The following ARHGEF33 variants were observed in gnomAD, a reference collection of about 807,000 sequenced individuals.
ARHGEF33 encodes the protein DH and coiled-coil domain-containing protein ENSP00000381780.
ARHGEF33 carries 72 observed loss-of-function variants against 101.9 expected under a neutral mutation model. The ratio of observed to expected loss-of-function variants is 0.71; its 90% CI spans 0.58 to 0.86. The LOEUF (loss-of-function observed/expected upper bound fraction) is 0.86. ARHGEF33 is among the 40% of genes least tolerant of loss of function. ARHGEF33 has a pLI of 0.00. For synonymous variants in ARHGEF33, 499 were observed against 442.5 expected (o/e 1.13, Z -1.60); for missense variants, 1,169 against 1,111.3 (o/e 1.05, Z -0.74).
At chr2:38,920,271 C>G (rs943273951) in intron 3 of ARHGEF33, among the ~76,000 whole-genome samples, 1 of 152,046 alleles carries the variant, frequency 6.6e-6, no homozygotes, top group South Asian at 2.1e-4. Flanking sequence ...GGATAAGCAA[C>G]GAGCTGAATG....
intron 17 of ARHGEF33, among the ~76,000 whole-genome samples, chr2:38,971,039 C>A (rs542830440): frequency 6.6e-6 from 1 of 152,136 alleles, no homozygotes; most frequent in African/African-American, 2.4e-5. Context: ...GACTGACTGG[C>A]CAACAGGATG....
At chr2:38,931,439 A>ATT (rs749474769) in intron 7 of ARHGEF33, 188 bp downstream of exon 7, 16 of 451,864 alleles carry the variant, frequency 3.5e-5, no homozygotes, top group African/African-American at 8.1e-5. Flanking sequence ...AGTTTTAAAT[A>ATT]TTTTTTTTTT....
In ARHGEF33 at chr2:38,975,265, T is replaced by G. The variant is rs1168421920; in HGVS notation, c.*1422T>G. The G allele has an allele frequency of 6.6e-6, 1 of 152,246 alleles. No homozygotes were observed. Among genetic ancestry groups the G allele is most frequent in the Non-Finnish European group, 1.5e-5 (1 of 68,042 alleles). 9.4% of individuals were successfully genotyped at this position (152,246 alleles called of 1,614,324 possible). On this transcript the variant is annotated 3_prime_UTR_variant, in exon 18 of 18. Transcript: ENST00000409978. ...CATAAAGGATCACTGCCAAGTTTTT[T>G]GAGTTTCCAGGATCTAAGTTTAAGC...
intron 8 of ARHGEF33, 73 bp from the exon 9 acceptor site, chr2:38,937,262 A>T (rs1667165398): frequency 9.1e-6 from 7 of 766,308 alleles, no homozygotes; most frequent in Middle Eastern, 3.7e-4. Flanking sequence ...CGAAAGTGGT[A>T]ACAAACATAT....
At chr2:38,933,384 T>A (rs765365491) in intron 7 of ARHGEF33, among the ~76,000 whole-genome samples, 52 of 149,044 alleles carry the variant, frequency 3.5e-4, no homozygotes, top group Non-Finnish European at 6.3e-4. Context: ...TTTGTTTTGT[T>A]TTTTTTTTCT....
Position 38,931,186 on chromosome 2 carries a change from T to C in ARHGEF33, c.440T>C (p.Ile147Thr). 6.4e-7 allele frequency: 1 copy of C among 1,551,630 alleles called. No individual in the cohort carries two copies. Among genetic ancestry groups the C allele is most frequent in the Non-Finnish European group, 8.7e-7 (1 of 1,146,914 alleles). The change falls in exon 7 of 18, where the codon ATC (isoleucine) becomes ACC (threonine). Residue 147 changes from isoleucine (I) to threonine (T), a missense_variant. Ile to Thr is a moderately conservative substitution (Grantham distance 89). Transcript: ENST00000409978. The part of the protein sequence containing the change: ...AQGSPFRSIN[I>T]PEPVLPSEDF... ...GGAAGTCCTTTTCGTTCTATCAATA[T>C]CCCTGAGCCTGTTCTTCCAAGCGAA...
chr2:38,960,559 G>A lies in ARHGEF33; in HGVS notation c.2254G>A (p.Ala752Thr), dbSNP rs1162370399. Residue 752 changes from alanine to threonine, a missense_variant, in exon 16 of 18, where the codon GCC (alanine) becomes ACC (threonine). Ala to Thr is a moderately conservative substitution (Grantham distance 58). Coordinates refer to ENST00000409978, the MANE Select transcript of ARHGEF33 (RefSeq NM_001145451.5). ...RAAQAHGPAAAAVAARGASRT... is the reference protein window; with the variant it reads ...RAAQAHGPAATAVAARGASRT... Reference sequence around the variant, plus strand: ...CGCGCAGGCGCACGGCCCGGCCGCCGCCGCCGTCGCCGCCCGCGGCGCATC... The same window carrying A: ...CGCGCAGGCGCACGGCCCGGCCGCCACCGCCGTCGCCGCCCGCGGCGCATC... 67 of 1,265,966 alleles carry A rather than the reference G, an allele frequency of 5.3e-5. No homozygotes were observed. The highest frequency in any genetic ancestry group is 6.0e-5 in the Non-Finnish European group (59 of 989,364). 78.4% of individuals were successfully genotyped at this position (1,265,966 alleles called of 1,614,324 possible).
chr2:38,902,505 G>A (rs192756822), intron 2 of ARHGEF33, among the ~76,000 whole-genome samples: 6 of 152,242 alleles, frequency 3.9e-5, no homozygotes, highest in East Asian at 1.9e-4. Context: ...CTCATTTTCC[G>A]TATTTGTAAA....
At chr2:38,958,632 C>A (rs1200278157) in intron 15 of ARHGEF33, among the ~76,000 whole-genome samples, 1 of 152,242 alleles carries the variant, frequency 6.6e-6, no homozygotes, top group Non-Finnish European at 1.5e-5. Flanking sequence ...CACTCTTTCA[C>A]ATGTTAACGT....
intron 13 of ARHGEF33, 126 bp downstream of exon 13, chr2:38,954,582 ATTG>A (rs1042992267): frequency 1.6e-6 from 1 of 621,812 alleles, no homozygotes; most frequent in Non-Finnish European, 2.9e-6. Flanking sequence ...GTTTATTTAG[ATTG>A]TTATGATTAC....
intron 9 of ARHGEF33, among the ~76,000 whole-genome samples, chr2:38,940,359 G>A (rs1171432121): frequency 6.6e-6 from 1 of 151,694 alleles, no homozygotes; most frequent in African/African-American, 2.4e-5. Context: ...AACATCCTGG[G>A]CTCAAGTGAT....
At chr2:38,947,333 G>A (rs1237008229) in intron 10 of ARHGEF33, among the ~76,000 whole-genome samples, 1 of 152,208 alleles carries the variant, frequency 6.6e-6, no homozygotes, top group African/African-American at 2.4e-5. Context: ...GGAAGTTGCA[G>A]GGGCACATTG....
intron 10 of ARHGEF33, among the ~76,000 whole-genome samples, chr2:38,946,733 C>T (rs758946930): frequency 3.3e-5 from 5 of 152,178 alleles, no homozygotes; most frequent in African/African-American, 7.2e-5. Flanking sequence ...TCAAGTGATT[C>T]TCCTGCCTCA....
chr2:38,905,176 A>G (rs1666363062), intron 2 of ARHGEF33, among the ~76,000 whole-genome samples: 1 of 151,884 alleles, frequency 6.6e-6, no homozygotes, highest in African/African-American at 2.4e-5. Flanking sequence ...AAGGACATTC[A>G]TTTAGCCGAA....
chr2:38,906,960 A>T (rs919588461), intron 2 of ARHGEF33, among the ~76,000 whole-genome samples: 2 of 152,120 alleles, frequency 1.3e-5, no homozygotes, highest in Non-Finnish European at 2.9e-5. Context: ...TCAAAAAAAG[A>T]TGATCCTTGG....
intron 17 of ARHGEF33, 96 bp downstream of exon 17, chr2:38,966,241 C>T: frequency 7.0e-7 from 1 of 1,429,924 alleles, no homozygotes; most frequent in Non-Finnish European, 9.3e-7. Context: ...AGCCTGGTCT[C>T]ACACAACTGC....
intron 2 of ARHGEF33, among the ~76,000 whole-genome samples, chr2:38,906,179 ACT>A (rs1666384077): frequency 6.9e-6 from 1 of 144,562 alleles, no homozygotes; most frequent in African/African-American, 2.6e-5. Context: ...ACAGAGCAAG[ACT>A]CTGTCTCAAA....
At chr2:38,928,295 A>G (rs1293178395) in intron 4 of ARHGEF33, among the ~76,000 whole-genome samples, 4 of 152,134 alleles carry the variant, frequency 2.6e-5, no homozygotes, top group Non-Finnish European at 4.4e-5. Context: ...AGCTCCTACC[A>G]TACCCTACCA....
intron 1 of ARHGEF33, among the ~76,000 whole-genome samples, chr2:38,890,487 G>A (rs1336616076): frequency 1.3e-5 from 2 of 152,180 alleles, no homozygotes; most frequent in African/African-American, 2.4e-5. Flanking sequence ...TATCCTGATT[G>A]AAAATGTGTA....
Sources: allele counts gnomAD v4.1 joint callset (sites outside exome capture counted in the v4.1 genomes callset), GRCh38; gene constraint gnomAD v4.1.1; transcripts MANE v1.5; gene names NCBI Gene and HGNC (gene_info 2026-07-23, HGNC 2026-07-21).